Variants in CMIP observed in about 807,000 individuals in gnomAD.
CMIP encodes the protein c-Maf inducing protein.
In CMIP, 13 loss-of-function variants were observed where a neutral mutation model predicts 97.3. That is an observed-to-expected ratio of 0.13 (90% CI 0.09 to 0.21). CMIP has a LOEUF of 0.21. Among genes scored for constraint, CMIP ranks in the 10% least tolerant of loss-of-function variants. The probability of loss-of-function intolerance (pLI) is 1.00; values close to 1 mark genes in which losing one functional copy is unlikely to be tolerated. For synonymous variants in CMIP, 538 were observed against 436.3 expected (o/e 1.23, Z -2.91); for missense variants, 847 against 1,024.9 (o/e 0.83, Z 2.37).
At position 81,661,790 on chromosome 16, in the gene CMIP, CAG is replaced by C. The variant is rs1597211537; in HGVS notation, c.744+845_744+846del. Among the ~76,000 whole-genome samples the C allele has an allele frequency of 4.6e-5, 7 of 152,088 alleles. No individual in the cohort carries two copies. In the South Asian group the frequency reaches 1.5e-3, roughly 32 times the overall value. On this transcript the variant is annotated intron_variant, in intron 6 of 20. Coordinates refer to ENST00000537098, the MANE Select transcript of CMIP (RefSeq NM_198390.3). ...CCCAGGGAGTCCTCTGTGTATGTGT[CAG>C]GGGACGGGAGCTTTGAAAGGGAGAC...
intron 10 of CMIP, among the ~76,000 whole-genome samples, chr16:81,690,458 C>A (rs905106691): frequency 6.6e-6 from 1 of 152,186 alleles, no homozygotes; most frequent in African/African-American, 2.4e-5. Flanking sequence ...ATAGAAGTAT[C>A]CACCAAGGCC....
chr16:81,526,802 G>A (rs1326381694), intron 1 of CMIP, among the ~76,000 whole-genome samples: 2 of 152,200 alleles, frequency 1.3e-5, no homozygotes, highest in African/African-American at 4.8e-5. Flanking sequence ...GCAGGTTTGC[G>A]TTTGGTTTCT....
chr16:81,706,092 G>A (rs1046019975), intron 19 of CMIP, among the ~76,000 whole-genome samples: 1 of 152,204 alleles, frequency 6.6e-6, no homozygotes, highest in Non-Finnish European at 1.5e-5. Context: ...ATAGAAGGAG[G>A]CACAGAATTC....
chr16:81,476,455 A>G, intron 1 of CMIP: 1 of 872,412 alleles, frequency 1.1e-6, no homozygotes, highest in South Asian at 1.3e-5. Context: ...AAACAGCTCG[A>G]AGGAGATGCG....
At chr16:81,618,934 G>T (rs543094723) in intron 2 of CMIP, 279 of 152,306 alleles carry the variant, frequency 1.8e-3, no homozygotes, top group Non-Finnish European at 3.1e-3. Flanking sequence ...TAATGAATAG[G>T]AATTGTCACA....
At chr16:81,622,739 C>T (rs1192181219) in intron 3 of CMIP, among the ~76,000 whole-genome samples, 2 of 152,172 alleles carry the variant, frequency 1.3e-5, no homozygotes, top group Non-Finnish European at 2.9e-5. Flanking sequence ...TCTGCCTTTC[C>T]CTGGTCCACA....
intron 1 of CMIP, among the ~76,000 whole-genome samples, chr16:81,547,003 C>G (rs927639699): frequency 2.6e-5 from 4 of 152,134 alleles, no homozygotes; most frequent in African/African-American, 7.2e-5. Context: ...CCCGGGAGTG[C>G]ACAGCCTTGC....
intron 7 of CMIP, among the ~76,000 whole-genome samples, chr16:81,667,932 C>T (rs551612595): frequency 7.2e-5 from 11 of 151,846 alleles, no homozygotes; most frequent in East Asian, 1.9e-4. Context: ...AGCAGGCAGA[C>T]GAGTGAAAGC....
intron 1 of CMIP, among the ~76,000 whole-genome samples, chr16:81,568,473 G>A (rs552803505): frequency 2.0e-5 from 3 of 152,332 alleles, no homozygotes; most frequent in South Asian, 2.1e-4. Flanking sequence ...CCGGGCAAGG[G>A]CACCGTGCCT....
intron 1 of CMIP, among the ~76,000 whole-genome samples, chr16:81,494,563 G>T (rs1159175097): frequency 6.6e-6 from 1 of 152,130 alleles, no homozygotes; most frequent in Non-Finnish European, 1.5e-5. Context: ...ATCAAAGAGG[G>T]TCAGGAGGAG....
chr16:81,643,793 G>GTAAA (rs149906497), intron 3 of CMIP, among the ~76,000 whole-genome samples: 15,992 of 151,936 alleles, frequency 0.11, 1,021 homozygotes, highest in South Asian at 0.2. Context: ...CAATAAGTAA[G>GTAAA]TAAATAAATA....
intron 1 of CMIP, among the ~76,000 whole-genome samples, chr16:81,537,546 CAAAAAA>C (rs397695977): frequency 9.7e-5 from 8 of 82,072 alleles, no homozygotes; most frequent in African/African-American, 3.5e-4. Flanking sequence ...AAAAAAAAGA[CAAAAAA>C]AAAAAAAAAA....
At chr16:81,561,952 T>C (rs1455033519) in intron 1 of CMIP, among the ~76,000 whole-genome samples, 1 of 152,124 alleles carries the variant, frequency 6.6e-6, no homozygotes, top group African/African-American at 2.4e-5. Context: ...CTGGGGGCTG[T>C]TGTAGTAATC....
rs998820006 is a variant in CMIP at position 81,492,239 on chromosome 16, A to G, written c.300+46698A>G. ...TCTGTAATGCCATCCACAGGGTGCA[A>G]GCGTCCTTATTTTAACACTGCCATG... On this transcript the variant is annotated intron_variant, in intron 1 of 20. Transcript: ENST00000537098. Among the ~76,000 whole-genome samples, 10 of 152,238 alleles carry G rather than the reference A, an allele frequency of 6.6e-5. No individual in the cohort carries two copies. The South Asian group carries it at 1.0e-3, about 16-fold the overall frequency.
At chr16:81,701,554 G>A in intron 15 of CMIP, 106 bp from the exon 16 acceptor site, 1 of 1,493,010 alleles carries the variant, frequency 6.7e-7, no homozygotes, top group Admixed American at 1.7e-5. Flanking sequence ...GCAGAAAGGG[G>A]ATAGTGGGGT....
At chr16:81,608,777 G>GT (rs1243636358) in intron 2 of CMIP, among the ~76,000 whole-genome samples, 1 of 152,170 alleles carries the variant, frequency 6.6e-6, no homozygotes, top group Non-Finnish European at 1.5e-5. Flanking sequence ...GGAACCCCGA[G>GT]TCTGAAACCC....
At chr16:81,590,937 A>G (rs1460454725) in intron 1 of CMIP, among the ~76,000 whole-genome samples, 2 of 152,134 alleles carry the variant, frequency 1.3e-5, no homozygotes, top group Non-Finnish European at 2.9e-5. Flanking sequence ...TTGTAAATAA[A>G]GTTTTATTGG....
intron 1 of CMIP, among the ~76,000 whole-genome samples, chr16:81,557,015 C>T (rs11639652): frequency 0.38 from 57,399 of 152,056 alleles, 13,341 homozygotes; most frequent in Non-Finnish European, 0.51. Flanking sequence ...GAAGTTCACG[C>T]AAAGTGTCCG....
At chr16:81,463,184 G>A (rs1906993923) in intron 1 of CMIP, among the ~76,000 whole-genome samples, 1 of 152,114 alleles carries the variant, frequency 6.6e-6, no homozygotes, top group African/African-American at 2.4e-5. Flanking sequence ...AGAAGCTGAG[G>A]GTTTTCCTTG....
Sources: gnomAD v4.1 joint callset for allele counts (sites outside exome capture counted in the v4.1 genomes callset) on GRCh38, gnomAD v4.1.1 for gene constraint, MANE v1.5 for transcripts, NCBI Gene and HGNC (gene_info 2026-07-23, HGNC 2026-07-21) for gene names.